Variants in TPPP observed in about 807,000 individuals in gnomAD.
TPPP encodes the protein tubulin polymerization promoting protein.
In TPPP, 6 loss-of-function variants were observed where a neutral mutation model predicts 15.5. The ratio of observed to expected loss-of-function variants is 0.39; its 90% CI spans 0.21 to 0.77. The LOEUF is 0.77. Among genes scored for constraint, TPPP ranks in the 30% least tolerant of loss-of-function variants. The pLI is 0.42. For synonymous variants in TPPP, 146 were observed against 133.9 expected (o/e 1.09, Z -0.63); for missense variants, 269 against 307.2 (o/e 0.88, Z 0.93).
chr5:698,777 G>A, the TPPP span, among the ~76,000 whole-genome samples: 4 of 151,882 alleles, frequency 2.6e-5, no homozygotes, highest in Non-Finnish European at 4.4e-5. Context: ...ACCGTATTAC[G>A]ACTCCACCAA....
intron 2 of TPPP, chr5:676,448 C>T (rs1740434732): frequency 6.6e-6 from 1 of 152,210 alleles, no homozygotes; most frequent in Admixed American, 6.5e-5. Context: ...GGCATCTGAC[C>T]CACGGCCCGG....
At chr5:681,138 G>A (rs192344608) in intron 1 of TPPP, among the ~76,000 whole-genome samples, 1 of 152,342 alleles carries the variant, frequency 6.6e-6, no homozygotes, top group African/African-American at 2.4e-5. Flanking sequence ...TGTGCCAGCT[G>A]CTTCTCCTTG....
chr5:661,153 A>G lies in TPPP; in HGVS notation c.*3949T>C, dbSNP rs1223214288. On this transcript the variant is annotated 3_prime_UTR_variant, in exon 4 of 4. Transcript: ENST00000360578. ...CTCCCTCTGCCTTTCTCCTTTCCTG[A>G]TGCTGAGACACGATCAGCACTGTCC... 1 of 152,420 alleles carries G rather than the reference A, an allele frequency of 6.6e-6. No homozygotes were observed. The highest frequency in any genetic ancestry group is 1.5e-5 in the Non-Finnish European group (1 of 68,116). The allele number at this position is 152,420 out of a possible 1,614,324, so 9.4% of individuals were successfully genotyped here.
intron 1 of TPPP, among the ~76,000 whole-genome samples, chr5:684,991 C>T (rs766538208): frequency 6.6e-6 from 1 of 152,198 alleles, no homozygotes; most frequent in Non-Finnish European, 1.5e-5. Flanking sequence ...CAGGTGCACA[C>T]GGCCGGGGCC....
intron 3 of TPPP, among the ~76,000 whole-genome samples, chr5:665,649 A>AC (rs1375998547): frequency 1.7e-4 from 13 of 76,946 alleles, no homozygotes; most frequent in East Asian, 3.8e-4. Context: ...CCTCCCCAGG[A>AC]CCCCCCCAGG....
In TPPP at chr5:677,654, T is replaced by A. The variant is rs1025833792; in HGVS notation, c.311+96A>T. On this transcript the variant is annotated intron_variant, in intron 2 of 3. Coordinates refer to ENST00000360578, the MANE Select transcript of TPPP (RefSeq NM_007030.3). ...GGTCTTGAAGCACAACCCCCTCCAC[T>A]CCCCATGGCCCGCTCCCCACAGAAC... 6 of 1,200,404 alleles carry A rather than the reference T, an allele frequency of 5.0e-6. No homozygotes were observed. The African/African-American group carries it at 7.8e-5, about 16-fold the overall frequency. 74.4% of individuals were successfully genotyped at this position (1,200,404 alleles called of 1,614,324 possible).
At chr5:692,449 C>G (rs894496666) in intron 1 of TPPP, 1 of 867,578 alleles carries the variant, frequency 1.2e-6, no homozygotes, top group Non-Finnish European at 1.4e-6. Context: ...TAGCAGCCTC[C>G]CAACCCCTAT....
intron 2 of TPPP, among the ~76,000 whole-genome samples, chr5:672,523 C>A (rs921716969): frequency 5.3e-5 from 8 of 152,270 alleles, no homozygotes; most frequent in African/African-American, 1.9e-4. Flanking sequence ...TGGGTGCCCC[C>A]ACCTGAGCTA....
chr5:681,400 C>T (rs1360475560), intron 1 of TPPP, among the ~76,000 whole-genome samples: 1 of 152,168 alleles, frequency 6.6e-6, no homozygotes, highest in Non-Finnish European at 1.5e-5. Context: ...CCTGCACTCC[C>T]AGGCCTGTGC....
At chr5:684,596 T>TG (rs35553813) in intron 1 of TPPP, among the ~76,000 whole-genome samples, 106,455 of 150,898 alleles carry the variant, frequency 0.71, 38,975 homozygotes, top group African/African-American at 0.92. Flanking sequence ...TTCTAGGACC[T>TG]GGAGCCCTGC....
chr5:664,429 G>T lies in TPPP; in HGVS notation c.*673C>A, dbSNP rs1739810502. 1 of 152,510 alleles carries T rather than the reference G, an allele frequency of 6.6e-6. No homozygotes were observed. The highest frequency in any genetic ancestry group is 2.1e-4 in the South Asian group (1 of 4,842). The allele number at this position is 152,510 out of a possible 1,614,324, so 9.4% of individuals were successfully genotyped here. A position where few individuals can be genotyped will look rare whatever the true frequency, so the allele number is the denominator to read the frequency against. ...GTGGTCAGCCGGGAAGCCGCCCACT[G>T]CCCCTGACGGCTTTCGTTTTACCTA... is the stretch of plus-strand genomic sequence containing the variant. On this transcript the variant is annotated 3_prime_UTR_variant, in exon 4 of 4. Coordinates refer to ENST00000360578, the MANE Select transcript of TPPP (RefSeq NM_007030.3).
intron 1 of TPPP, among the ~76,000 whole-genome samples, chr5:684,369 G>A (rs948006071): frequency 5.9e-5 from 9 of 152,338 alleles, no homozygotes; most frequent in South Asian, 2.1e-4. Context: ...ACTGCAGGGC[G>A]CCTCCTGGGC....
chr5:663,668 G>A lies in TPPP; in HGVS notation c.*1434C>T, dbSNP rs1739776498. 6.6e-6 allele frequency: 1 copy of A among 152,482 alleles called. No homozygotes were observed. The highest frequency in any genetic ancestry group is 2.1e-4 in the South Asian group (1 of 4,836). 9.4% of individuals were successfully genotyped at this position (152,482 alleles called of 1,614,324 possible). A position where few individuals can be genotyped will look rare whatever the true frequency, so the allele number is the denominator to read the frequency against. On this transcript the variant is annotated 3_prime_UTR_variant, in exon 4 of 4. Coordinates refer to ENST00000360578, the MANE Select transcript of TPPP (RefSeq NM_007030.3). ...GCTCATGCGTGCCAGTGAGGGAGGGGCCTCGCCACCCTCCTGTACTGTGAG... is the reference window on the plus strand; with the variant it reads ...GCTCATGCGTGCCAGTGAGGGAGGGACCTCGCCACCCTCCTGTACTGTGAG...
At chr5:679,167 A>G (rs1035624125) in intron 1 of TPPP, among the ~76,000 whole-genome samples, 11 of 152,176 alleles carry the variant, frequency 7.2e-5, no homozygotes, top group African/African-American at 2.7e-4. Flanking sequence ...AGTCATGGCC[A>G]AAGTGTGGCT....
chr5:666,256 G>A, intron 2 of TPPP, 133 bp from the exon 3 acceptor site: 1 of 993,304 alleles, frequency 1.0e-6, no homozygotes, highest in Non-Finnish European at 1.5e-6. Flanking sequence ...GGCCGCCCTG[G>A]TAGCACTGCA....
At chr5:684,689 C>T (rs1333180422) in intron 1 of TPPP, among the ~76,000 whole-genome samples, 9 of 152,126 alleles carry the variant, frequency 5.9e-5, no homozygotes, top group Non-Finnish European at 1.2e-4. Flanking sequence ...GGGTGGACAC[C>T]GTGCCACCCC....
chr5:683,642 CCCTT>C (rs1434254283), intron 1 of TPPP, among the ~76,000 whole-genome samples: 1 of 152,252 alleles, frequency 6.6e-6, no homozygotes, highest in African/African-American at 2.4e-5. Context: ...TCTCACCAAC[CCCTT>C]CCTTCCATGC....
In TPPP at chr5:661,798, G is replaced by A. The variant is rs1420405501; in HGVS notation, c.*3304C>T. On this transcript the variant is annotated 3_prime_UTR_variant, in exon 4 of 4. Coordinates refer to ENST00000360578, the MANE Select transcript of TPPP (RefSeq NM_007030.3). Reference sequence around the variant, plus strand: ...TATTTTTGCTACCCCTCCTGGCTAGGTGACAGAGATGGGAGCCGAGTGGGT... The same window carrying A: ...TATTTTTGCTACCCCTCCTGGCTAGATGACAGAGATGGGAGCCGAGTGGGT... 6.6e-6 allele frequency: 1 copy of A among 152,392 alleles called. No homozygotes were observed. Among genetic ancestry groups the A allele is most frequent in the Non-Finnish European group, 1.5e-5 (1 of 68,050 alleles). The allele number at this position is 152,392 out of a possible 1,614,324, so 9.4% of individuals were successfully genotyped here.
Position 665,094 on chromosome 5 carries a change from A to G in TPPP, c.*8T>C, listed in dbSNP as rs746991540. On this transcript the variant is annotated 3_prime_UTR_variant, in exon 4 of 4. Transcript: ENST00000360578. The stretch of plus-strand genomic sequence containing the variant: ...ACACCGGCAGTGCCGCGAGGCATGG[A>G]GCGGGGGCTACTTGCCCCCTTGCAC... 6.2e-7 allele frequency: 1 copy of G among 1,607,460 alleles called. No individual in the cohort carries two copies. The highest frequency in any genetic ancestry group is 8.5e-7 in the Non-Finnish European group (1 of 1,179,340).
Sources: allele counts gnomAD v4.1 joint callset (sites outside exome capture counted in the v4.1 genomes callset), GRCh38; gene constraint gnomAD v4.1.1; transcripts MANE v1.5; gene names NCBI Gene and HGNC (gene_info 2026-07-23, HGNC 2026-07-21).